PRKN: variants seen among roughly 807,000 people sequenced by gnomAD.
The protein encoded by PRKN is parkin RBR E3 ubiquitin protein ligase.
A neutral mutation model predicts 59.5 loss-of-function variants in PRKN; 56 were observed. The observed-to-expected ratio is 0.94, with a 90% CI of 0.76 to 1.18. PRKN has a LOEUF of 1.18. PRKN is among the 50% of genes most tolerant of loss of function. PRKN has a pLI of 0.00. For synonymous variants in PRKN, 250 were observed against 222.1 expected (o/e 1.13, Z -1.12); for missense variants, 657 against 596.4 (o/e 1.10, Z -1.06).
intron 7 of PRKN, among the ~76,000 whole-genome samples, chr6:161,772,445 T>C (rs562997427): frequency 3.9e-5 from 6 of 152,274 alleles, no homozygotes; most frequent in Non-Finnish European, 7.4e-5. Context: ...GTTTAGGTGA[T>C]TCTCAGCAAT....
chr6:161,517,395 G>A (rs1304434728), intron 9 of PRKN, among the ~76,000 whole-genome samples: 1 of 152,016 alleles, frequency 6.6e-6, no homozygotes, highest in African/African-American at 2.4e-5. Flanking sequence ...TGGTTTCATG[G>A]GGTTCTGCTT....
chr6:162,454,599 T>C (rs1790776377), intron 1 of PRKN, among the ~76,000 whole-genome samples: 1 of 152,196 alleles, frequency 6.6e-6, no homozygotes, highest in Non-Finnish European at 1.5e-5. Context: ...TCAGTGGCTT[T>C]CACACTGGAC....
chr6:161,779,413 CTTTTT>C (rs1049372571), intron 7 of PRKN, among the ~76,000 whole-genome samples: 1 of 90,996 alleles, frequency 1.1e-5, no homozygotes, highest in East Asian at 3.0e-4. Flanking sequence ...CCTTTCTTTT[CTTTTT>C]TTTCTCTTTT....
rs534539137 is a variant in PRKN, at chr6:161,855,209, T to C, written c.735-69301A>G. On this transcript the variant is annotated intron_variant, in intron 6 of 11. Coordinates refer to ENST00000366898, the MANE Select transcript of PRKN (RefSeq NM_004562.3). The stretch of plus-strand genomic sequence containing the variant: ...GCTTGCTCACCACCCCCAGAACCTC[T>C]TTCTGCGATGATCAGGGTGGGGTTT... Among the ~76,000 whole-genome samples the C allele has an allele frequency of 2.0e-5, 3 of 152,286 alleles. No homozygotes were observed. In the South Asian group the frequency reaches 6.2e-4, roughly 32 times the overall value.
chr6:161,481,182 T>G (rs536547749), intron 9 of PRKN, among the ~76,000 whole-genome samples: 1 of 152,366 alleles, frequency 6.6e-6, no homozygotes, highest in South Asian at 2.1e-4. Context: ...TATCAAGATT[T>G]TTTTAGAAAG....
At chr6:162,024,230 C>G (rs1582913376) in intron 5 of PRKN, among the ~76,000 whole-genome samples, 1 of 113,632 alleles carries the variant, frequency 8.8e-6, no homozygotes, top group Middle Eastern at 7.1e-3. Flanking sequence ...CAGAGTTTCA[C>G]TCTGTTGCCC....
intron 6 of PRKN, among the ~76,000 whole-genome samples, chr6:161,797,227 G>GACTTT (rs2128209632): frequency 6.6e-6 from 1 of 152,156 alleles, no homozygotes; most frequent in East Asian, 1.9e-4. Flanking sequence ...CGTATGCTGG[G>GACTTT]TCTTTTCTTT....
At position 161,480,509 on chromosome 6, in the gene PRKN, C is replaced by T. The variant is rs543788306; in HGVS notation, c.1083+68345G>A. On this transcript the variant is annotated intron_variant, in intron 9 of 11. Transcript: ENST00000366898. This position sits in a 1 kb window ranked among gnomAD's most constrained non-coding sequence, Gnocchi z 4.1. ...TAGCAGACTCACAAAATGCCAGAAGCGAGAGTTTGATTCCATTGGTATTAA... is the reference window on the plus strand; with the variant it reads ...TAGCAGACTCACAAAATGCCAGAAGTGAGAGTTTGATTCCATTGGTATTAA... Among the ~76,000 whole-genome samples, 11 of 152,236 alleles carry T rather than the reference C, an allele frequency of 7.2e-5. No homozygotes were observed. Among genetic ancestry groups the T allele is most frequent in the Non-Finnish European group, 1.3e-4 (9 of 68,014 alleles).
At position 161,503,768 on chromosome 6, in the gene PRKN, C is replaced by T. The variant is rs551185363; in HGVS notation, c.1083+45086G>A. Among the ~76,000 whole-genome samples the T allele has an allele frequency of 3.2e-4, 48 of 152,294 alleles. No individual in the cohort carries two copies. In the South Asian group the frequency reaches 3.7e-3, roughly 12 times the overall value. ...CATCACTCACTGCACCACAGGGTGG[C>T]CGTGACACAAAGTCAGATGTGAGCA... On this transcript the variant is annotated intron_variant, in intron 9 of 11. Transcript: ENST00000366898. The surrounding 1 kb of genome is among the most constrained non-coding windows in gnomAD (Gnocchi z 5.1).
At chr6:161,365,018 A>T (rs1184889365) in intron 10 of PRKN, among the ~76,000 whole-genome samples, 1 of 152,146 alleles carries the variant, frequency 6.6e-6, no homozygotes, top group Non-Finnish European at 1.5e-5. Context: ...ATGCGCTGGC[A>T]TGATTCAGGC....
intron 5 of PRKN, among the ~76,000 whole-genome samples, chr6:162,002,776 G>T (rs1428233202): frequency 6.6e-6 from 1 of 151,826 alleles, no homozygotes; most frequent in East Asian, 1.9e-4. Context: ...CAATGCTGTA[G>T]ATTTCTCAAA....
chr6:161,882,333 A>C (rs200635992), intron 6 of PRKN, among the ~76,000 whole-genome samples: 2 of 152,178 alleles, frequency 1.3e-5, no homozygotes, highest in East Asian at 3.9e-4. Flanking sequence ...CAGCAACGGC[A>C]TGGGGGCGGG....
At chr6:161,802,569 T>C (rs897455461) in intron 6 of PRKN, among the ~76,000 whole-genome samples, 2 of 152,062 alleles carry the variant, frequency 1.3e-5, no homozygotes, top group Non-Finnish European at 2.9e-5. Flanking sequence ...GCTTCCCCAA[T>C]GGTCACGTGG....
rs137967180 is a variant in PRKN, at chr6:161,850,218, T to A, written c.735-64310A>T. ...ATATCTGCTAAGAAAAATAACAATT[T>A]TGAGATAGCACTTGTGGAATGAGTC... On this transcript the variant is annotated intron_variant, in intron 6 of 11. Coordinates refer to ENST00000366898, the MANE Select transcript of PRKN (RefSeq NM_004562.3). 4.2e-4 allele frequency among the ~76,000 whole-genome samples: 64 copies of A among 152,174 alleles called. 4 individuals are homozygous for A. In the East Asian group the frequency reaches 0.012, roughly 29 times the overall value.
chr6:161,772,903 C>G (rs1369373715), intron 7 of PRKN, among the ~76,000 whole-genome samples: 1 of 152,148 alleles, frequency 6.6e-6, no homozygotes, highest in South Asian at 2.1e-4. Flanking sequence ...AGGAGTATTA[C>G]TGGAATTTAG....
intron 7 of PRKN, among the ~76,000 whole-genome samples, chr6:161,621,089 G>C (rs1010118419): frequency 6.6e-6 from 1 of 152,156 alleles, no homozygotes; most frequent in Non-Finnish European, 1.5e-5. Flanking sequence ...TGACAGCCTG[G>C]GTGAGGGTGC....
intron 4 of PRKN, among the ~76,000 whole-genome samples, chr6:162,168,693 C>T (rs188288253): frequency 1.3e-5 from 2 of 151,838 alleles, no homozygotes; most frequent in African/African-American, 2.4e-5. Flanking sequence ...CAGCATCTCC[C>T]GAGATACTCC....
intron 3 of PRKN, among the ~76,000 whole-genome samples, chr6:162,259,577 T>C (rs1366211629): frequency 1.3e-5 from 2 of 152,222 alleles, no homozygotes; most frequent in African/African-American, 2.4e-5. Context: ...AAAATAATCA[T>C]ATAGGCATAC....
chr6:162,464,394 TATG>T (rs1430061960), intron 1 of PRKN, among the ~76,000 whole-genome samples: 8 of 152,308 alleles, frequency 5.3e-5, no homozygotes, highest in Admixed American at 3.3e-4. Context: ...TTTAATCATT[TATG>T]ATAACTTTTA....
Sources: gnomAD v4.1 joint callset for allele counts (sites outside exome capture counted in the v4.1 genomes callset) on GRCh38, gnomAD v4.1.1 for gene constraint, Gnocchi (gnomAD v3.1) non-coding constraint, MANE v1.5 for transcripts, NCBI Gene and HGNC (gene_info 2026-07-23, HGNC 2026-07-21) for gene names.